TANC1: variants seen among roughly 807,000 people sequenced by gnomAD.
TANC1 encodes tetratricopeptide repeat, ankyrin repeat and coiled-coil containing 1, also known as protein TANC1.
TANC1 carries 77 observed loss-of-function variants against 149.7 expected under a neutral mutation model. The observed-to-expected ratio is 0.51, with a 90% CI of 0.43 to 0.62. The LOEUF (loss-of-function observed/expected upper bound fraction) is 0.62. Ranked by LOEUF, TANC1 falls within the 20% of genes least tolerant of loss-of-function variation. The pLI is 0.00. For missense variants in TANC1, 1,985 were observed against 2,321.8 expected (o/e 0.85, Z 2.98); for synonymous variants, 854 against 925.0 (o/e 0.92, Z 1.39).
chr2:159,165,501 G>A (rs1389287967), intron 8 of TANC1, among the ~76,000 whole-genome samples: 1 of 152,306 alleles, frequency 6.6e-6, no homozygotes, highest in African/African-American at 2.4e-5. Context: ...CTAGGAGTCT[G>A]GTAGATTCTT....
At chr2:159,075,323 T>C (rs908195848) in intron 3 of TANC1, among the ~76,000 whole-genome samples, 12 of 151,848 alleles carry the variant, frequency 7.9e-5, no homozygotes, top group African/African-American at 2.9e-4. Flanking sequence ...ATCCCAACAC[T>C]TTGGGAGGCT....
intron 2 of TANC1, among the ~76,000 whole-genome samples, chr2:159,023,542 A>G (rs1456300111): frequency 1.3e-5 from 2 of 151,032 alleles, no homozygotes; most frequent in Non-Finnish European, 3.0e-5. Flanking sequence ...GGATCTCGCC[A>G]TTCTGCCCAG....
chr2:159,082,952 CT>C, intron 3 of TANC1, among the ~76,000 whole-genome samples: 1 of 151,954 alleles, frequency 6.6e-6, no homozygotes, highest in Non-Finnish European at 1.5e-5. Context: ...TATTTTTATT[CT>C]TTATTTATTT....
intron 17 of TANC1, among the ~76,000 whole-genome samples, chr2:159,195,096 A>G (rs988652088): frequency 7.9e-5 from 12 of 152,116 alleles, no homozygotes; most frequent in Non-Finnish European, 1.2e-4. Context: ...GTAAGTATGT[A>G]TTGCTATACA....
intron 1 of TANC1, among the ~76,000 whole-genome samples, chr2:158,987,733 A>G (rs866280912): frequency 3.3e-5 from 5 of 152,274 alleles, no homozygotes; most frequent in Middle Eastern, 6.8e-3. Flanking sequence ...GACCCTGGAC[A>G]GGTTACACAG....
At chr2:159,110,702 G>A (rs980773677) in intron 4 of TANC1, among the ~76,000 whole-genome samples, 6 of 149,946 alleles carry the variant, frequency 4.0e-5, no homozygotes, top group South Asian at 2.1e-4. Context: ...GTGTAGGGTC[G>A]TGGTGGTTGC....
intron 19 of TANC1, among the ~76,000 whole-genome samples, chr2:159,213,388 C>A (rs2059130081): frequency 6.6e-6 from 1 of 151,778 alleles, no homozygotes; most frequent in Non-Finnish European, 1.5e-5. Context: ...CACATTGGAC[C>A]CTGGTTTCCA....
intron 2 of TANC1, among the ~76,000 whole-genome samples, chr2:159,020,821 TA>T (rs1351365789): frequency 6.6e-6 from 1 of 151,996 alleles, no homozygotes; most frequent in African/African-American, 2.4e-5. Flanking sequence ...TCTGTTGAGT[TA>T]TATAGACAAT....
chr2:159,000,469 T>G (rs1476792813), intron 1 of TANC1, among the ~76,000 whole-genome samples: 1 of 151,846 alleles, frequency 6.6e-6, no homozygotes, highest in East Asian at 1.9e-4. Context: ...TTCAGGGTCT[T>G]TTGGATCAGA....
In TANC1 at chr2:159,136,236, C is replaced by G. The variant is rs368318760; in HGVS notation, c.302C>G (p.Pro101Arg). ...KPKYVESPRV[P>R]GDAVIMPFRE... is the part of the protein sequence containing the mutation. ...AAGTATGTGGAAAGCCCCAGAGTGC[C>G]TGGAGATGCAGTTATAATGCCATTC... is the stretch of plus-strand genomic sequence containing the variant. Residue 101 changes from proline to arginine, a missense_variant, in exon 5 of 27, where the codon CCT becomes CGT. Pro to Arg is a moderately radical substitution (Grantham distance 103). This residue lies in a region of TANC1 where 557 missense variants were observed against 612.9 expected (regional missense o/e 0.91). Transcript: ENST00000263635. 6 of 1,613,466 alleles carry G rather than the reference C, an allele frequency of 3.7e-6. No homozygotes were observed. The Admixed American group carries it at 1.0e-4, about 27-fold the overall frequency.
intron 7 of TANC1, among the ~76,000 whole-genome samples, chr2:159,157,138 A>G (rs2053524786): frequency 6.6e-6 from 1 of 152,202 alleles, no homozygotes; most frequent in Non-Finnish European, 1.5e-5. Flanking sequence ...GCAGTTGCAG[A>G]AGGAGAAGCC....
intron 1 of TANC1, among the ~76,000 whole-genome samples, chr2:158,986,758 G>A (rs1217103910): frequency 1.3e-5 from 2 of 152,288 alleles, no homozygotes; most frequent in East Asian, 3.9e-4. Flanking sequence ...CAACATCTGA[G>A]AAAATTGCTT....
At chr2:159,192,897 G>A (rs1180411311) in intron 16 of TANC1, among the ~76,000 whole-genome samples, 8 of 152,124 alleles carry the variant, frequency 5.3e-5, no homozygotes, top group Admixed American at 2.6e-4. Context: ...TGATCCGCCC[G>A]CCTCAGCCTC....
chr2:159,165,274 A>G (rs1013347132), intron 8 of TANC1, among the ~76,000 whole-genome samples: 2 of 152,212 alleles, frequency 1.3e-5, no homozygotes, highest in Non-Finnish European at 2.9e-5. Context: ...ATTATAGAGC[A>G]GAGCTTTCTG....
intron 10 of TANC1, among the ~76,000 whole-genome samples, chr2:159,171,124 G>A (rs1021925407): frequency 3.9e-5 from 6 of 152,166 alleles, no homozygotes; most frequent in Admixed American, 6.5e-5. Flanking sequence ...CAAGGGGTTG[G>A]GCTCCTGGTA....
intron 3 of TANC1, among the ~76,000 whole-genome samples, chr2:159,095,733 CAAAAAAA>C (rs61191170): frequency 1.0e-5 from 1 of 100,442 alleles, no homozygotes; most frequent in Non-Finnish European, 1.9e-5. Flanking sequence ...AAGACTGTCT[CAAAAAAA>C]AAAAAAAAAA....
chr2:159,086,891 T>G (rs2149824083), intron 3 of TANC1, among the ~76,000 whole-genome samples: 1 of 152,252 alleles, frequency 6.6e-6, no homozygotes, highest in East Asian at 1.9e-4. Flanking sequence ...TTGAAAATGT[T>G]CATATGGTAA....
At chr2:159,213,745 T>C (rs1227169802) in intron 19 of TANC1, among the ~76,000 whole-genome samples, 1 of 152,134 alleles carries the variant, frequency 6.6e-6, no homozygotes, top group Admixed American at 6.5e-5. Flanking sequence ...ACTAGAAAGA[T>C]GACAGGAAAA....
intron 2 of TANC1, among the ~76,000 whole-genome samples, chr2:159,037,851 T>A (rs1047602351): frequency 1.3e-5 from 2 of 152,228 alleles, no homozygotes; most frequent in African/African-American, 4.8e-5. Context: ...CTTTTTTAGT[T>A]CCATATGGAC....
Sources: allele counts gnomAD v4.1 joint callset (sites outside exome capture counted in the v4.1 genomes callset), GRCh38; gene constraint gnomAD v4.1.1; regional missense constraint gnomAD v4.1.1; transcripts MANE v1.5; gene names NCBI Gene and HGNC (gene_info 2026-07-23, HGNC 2026-07-21).